Variants in PAPPA observed in about 807,000 individuals in gnomAD.
The protein encoded by PAPPA is pappalysin-1.
Under a neutral mutation model 164.0 loss-of-function variants are expected in PAPPA, and 60 were observed. The ratio of observed to expected loss-of-function variants is 0.37; its 90% CI spans 0.30 to 0.45. The LOEUF is 0.45. PAPPA is among the 20% of genes least tolerant of loss of function. The probability of loss-of-function intolerance (pLI) is 1.00; values close to 1 mark genes in which losing one functional copy is unlikely to be tolerated. For synonymous variants in PAPPA, 875 were observed against 814.1 expected (o/e 1.07, Z -1.27); for missense variants, 1,782 against 2,087.3 (o/e 0.85, Z 2.85).
At chr9:116,363,538 C>G (rs765468781) in intron 18 of PAPPA, among the ~76,000 whole-genome samples, 51 of 152,236 alleles carry the variant, frequency 3.4e-4, no homozygotes, top group Non-Finnish European at 6.5e-4. Context: ...AGCACCACAG[C>G]TTTCCGGGGT....
chr9:116,380,041 G>A (rs932794795), intron 20 of PAPPA, among the ~76,000 whole-genome samples: 2 of 152,242 alleles, frequency 1.3e-5, no homozygotes, highest in Middle Eastern at 3.4e-3. Context: ...GGACTTCACT[G>A]AGCTCCCTGT....
chr9:116,297,096 C>T (rs1279371971), intron 9 of PAPPA, among the ~76,000 whole-genome samples: 1 of 152,130 alleles, frequency 6.6e-6, no homozygotes, highest in Non-Finnish European at 1.5e-5. Flanking sequence ...CTCGGATGAT[C>T]TGCCTGCCTC....
At chr9:116,234,250 G>T (rs531964735) in intron 6 of PAPPA, among the ~76,000 whole-genome samples, 1 of 152,208 alleles carries the variant, frequency 6.6e-6, no homozygotes, top group Admixed American at 6.5e-5. Context: ...GCTGAGATCA[G>T]TGGGGATGAG....
chr9:116,294,644 A>G (rs1292263786), intron 9 of PAPPA, among the ~76,000 whole-genome samples: 1 of 152,178 alleles, frequency 6.6e-6, no homozygotes, highest in African/African-American at 2.4e-5. Context: ...CCCCTGTTCC[A>G]AGAAACTAAC....
rs1846519441 is a variant in PAPPA at position 116,367,669 on chromosome 9, T to C, written c.4520T>C (p.Leu1507Pro). 1 of 1,613,866 alleles carries C rather than the reference T, an allele frequency of 6.2e-7. No homozygotes were observed. Among genetic ancestry groups the C allele is most frequent in the African/African-American group, 1.3e-5 (1 of 74,910 alleles). Residue 1507 changes from leucine (L) to proline (P), a missense_variant, in exon 19 of 22, where the codon CTG (leucine) becomes CCG (proline). This residue lies in a region of PAPPA where 1,324 missense variants were observed against 1,656.9 expected (regional missense o/e 0.80). Transcript: ENST00000328252. ...AIGSECATSC[L>P]DHNSESIILP... ...GGGTCGGAGTGTGCCACCTCGTGCC[T>C]GGACCACAACAGCGAGTCCATCATC... is the stretch of plus-strand genomic sequence containing the variant.
rs753309392 is a variant in PAPPA at position 116,211,757 on chromosome 9, G to T, written c.1743G>T (p.Gln581His). ...YHVFRGISEI[Q>H]SCSDPCMETE... ...TCTTCCGAGGCATCTCAGAAATCCAGTCCTGCAGTGACCCCTGCATGGAGA... is the reference window on the plus strand; with the variant it reads ...TCTTCCGAGGCATCTCAGAAATCCATTCCTGCAGTGACCCCTGCATGGAGA... The change falls in exon 4 of 22, where the codon CAG becomes CAT. Residue 581 changes from glutamine (Q) to histidine (H), a missense_variant. Physicochemically the swap from Gln to His is conservative, Grantham distance 24 (BLOSUM62 0). Transcript: ENST00000328252. The T allele has an allele frequency of 1.9e-6, 3 of 1,614,142 alleles. No homozygotes were observed. The South Asian group carries it at 3.3e-5, about 18-fold the overall frequency.
intron 7 of PAPPA, among the ~76,000 whole-genome samples, chr9:116,264,041 G>A (rs912348901): frequency 5.3e-5 from 8 of 152,236 alleles, no homozygotes; most frequent in Admixed American, 1.3e-4. Flanking sequence ...CAATGTGGCC[G>A]TTTAAAAAAT....
At chr9:116,332,494 T>C in intron 12 of PAPPA, 26 bp downstream of exon 12, 10 of 1,593,808 alleles carry the variant, frequency 6.3e-6, no homozygotes, top group Non-Finnish European at 8.6e-6. Context: ...TGGTCTTGGC[T>C]TGCTTTCAGT....
At chr9:116,200,058 A>G (rs1214484732) in intron 2 of PAPPA, among the ~76,000 whole-genome samples, 1 of 152,122 alleles carries the variant, frequency 6.6e-6, no homozygotes, top group Admixed American at 6.5e-5. Flanking sequence ...TCACATTTCA[A>G]TGTGACATTT....
At chr9:116,377,210 GCA>G (rs1195210313) in intron 19 of PAPPA, among the ~76,000 whole-genome samples, 1 of 150,870 alleles carries the variant, frequency 6.6e-6, no homozygotes, top group East Asian at 1.9e-4. Context: ...ACACACATGC[GCA>G]CACACACACA....
chr9:116,258,797 A>G (rs977876990), intron 7 of PAPPA, among the ~76,000 whole-genome samples: 3 of 152,204 alleles, frequency 2.0e-5, no homozygotes, highest in Admixed American at 1.3e-4. Flanking sequence ...ATTTTAATAC[A>G]TATTTGGGGG....
chr9:116,333,347 C>A (rs1846018405), intron 12 of PAPPA, among the ~76,000 whole-genome samples: 1 of 152,190 alleles, frequency 6.6e-6, no homozygotes, highest in Admixed American at 6.5e-5. Context: ...AGCACAAGAT[C>A]GGGCCCTAAG....
At position 116,188,132 on chromosome 9, in the gene PAPPA, G is replaced by T; in HGVS notation, c.1394G>T (p.Arg465Leu). ...TGTGACATGGACTGCAACTATGAACGGTTCAACTTTGATGGTGGAGAGTGC... is the reference window on the plus strand; with the variant it reads ...TGTGACATGGACTGCAACTATGAACTGTTCAACTTTGATGGTGGAGAGTGC... ...GVCDMDCNYE[R>L]FNFDGGECCD... Residue 465 changes from arginine (R) to leucine (L), a missense_variant, in exon 2 of 22, where the codon CGG (arginine) becomes CTG (leucine). Arg to Leu is a moderately radical substitution (Grantham distance 102). Around this residue, in one of 2 missense-constraint regions of PAPPA, gnomAD observed 1,324 missense variants for 1,656.9 expected, o/e 0.80. Transcript: ENST00000328252. The T allele has an allele frequency of 6.2e-7, 1 of 1,614,138 alleles. No individual in the cohort carries two copies. Among genetic ancestry groups the T allele is most frequent in the East Asian group, 2.2e-5 (1 of 44,866 alleles).
intron 1 of PAPPA, among the ~76,000 whole-genome samples, chr9:116,168,984 T>G (rs1381041421): frequency 6.6e-6 from 1 of 152,162 alleles, no homozygotes; most frequent in Non-Finnish European, 1.5e-5. Flanking sequence ...TAAACAATGT[T>G]AAATGAACGA....
chr9:116,156,450 T>C (rs1843606551), intron 1 of PAPPA, among the ~76,000 whole-genome samples: 1 of 151,562 alleles, frequency 6.6e-6, no homozygotes, highest in Non-Finnish European at 1.5e-5. Context: ...TCTTGAGCAC[T>C]CATTCACTCT....
At chr9:116,289,282 CATATAAATAGCATATATATAG>C (rs1845397138) in intron 9 of PAPPA, among the ~76,000 whole-genome samples, 1 of 96,494 alleles carries the variant, frequency 1.0e-5, no homozygotes. Context: ...ATATATATAG[CATATAAATAGCATATATATAG>C]CATATATATG....
intron 1 of PAPPA, among the ~76,000 whole-genome samples, chr9:116,167,029 A>G (rs1843726380): frequency 6.6e-6 from 1 of 152,220 alleles, no homozygotes; most frequent in Non-Finnish European, 1.5e-5. Context: ...TTTCAAAAAG[A>G]TTGGCTAAGA....
intron 19 of PAPPA, among the ~76,000 whole-genome samples, chr9:116,370,654 C>T (rs1031173332): frequency 2.3e-4 from 35 of 152,202 alleles, no homozygotes; most frequent in African/African-American, 7.5e-4. Flanking sequence ...CTGGCTCTTG[C>T]GAGCCTATGC....
Position 116,235,349 on chromosome 9 carries a change from A to G in PAPPA, c.2444A>G (p.Asp815Gly). ...TDWDSSGAVN[D>G]IKLLAVSGKN... ...TGGGACTCTAGTGGAGCTGTCAATG[A>G]CATCAAACTGTTGGCTGTCAGTGGG... Residue 815 changes from aspartate (D) to glycine (G), a missense_variant, in exon 7 of 22, where the codon GAC (aspartate) becomes GGC (glycine). Asp to Gly is a moderately conservative substitution (Grantham distance 94, BLOSUM62 -1). Transcript: ENST00000328252. 1.2e-6 allele frequency: 2 copies of G among 1,614,008 alleles called. No individual in the cohort carries two copies. Among genetic ancestry groups the G allele is most frequent in the African/African-American group, 2.7e-5 (2 of 75,040 alleles).
Sources: allele counts gnomAD v4.1 joint callset (sites outside exome capture counted in the v4.1 genomes callset), GRCh38; gene constraint gnomAD v4.1.1; regional missense constraint gnomAD v4.1.1; transcripts MANE v1.5; gene names NCBI Gene and HGNC (gene_info 2026-07-23, HGNC 2026-07-21).